Variants in DCC observed in about 807,000 individuals in gnomAD.
DCC encodes the protein DCC netrin 1 receptor, also known as netrin receptor DCC.
Under a neutral mutation model 172.5 loss-of-function variants are expected in DCC, and 58 were observed. The observed-to-expected ratio is 0.34, with a 90% CI of 0.27 to 0.42. DCC has a LOEUF of 0.42. Ranked by LOEUF, DCC falls within the 10% of genes least tolerant of loss-of-function variation. DCC has a pLI of 1.00. For synonymous variants in DCC, 709 were observed against 644.5 expected (o/e 1.10, Z -1.52); for missense variants, 1,740 against 1,791.0 (o/e 0.97, Z 0.51).
intron 1 of DCC, among the ~76,000 whole-genome samples, chr18:52,377,058 T>A (rs1252810278): frequency 6.6e-6 from 1 of 152,182 alleles, no homozygotes; most frequent in Non-Finnish European, 1.5e-5. Flanking sequence ...AAAACCCTTT[T>A]GAGAAAAGCG....
intron 5 of DCC, among the ~76,000 whole-genome samples, chr18:53,003,447 G>C (rs1375570989): frequency 2.6e-5 from 4 of 152,064 alleles, no homozygotes; most frequent in Non-Finnish European, 5.9e-5. Flanking sequence ...TGGGAAAATA[G>C]GTCAAATACT....
intron 5 of DCC, among the ~76,000 whole-genome samples, chr18:53,023,266 G>A (rs2041906601): frequency 6.6e-6 from 1 of 150,760 alleles, no homozygotes; most frequent in Non-Finnish European, 1.5e-5. Flanking sequence ...TTTGTGACAA[G>A]GTTGACCTTT....
At chr18:52,479,525 T>C (rs1989192176) in intron 1 of DCC, among the ~76,000 whole-genome samples, 1 of 149,812 alleles carries the variant, frequency 6.7e-6, no homozygotes, top group African/African-American at 2.5e-5. Context: ...TGGCTCCCCC[T>C]CCTCATCTCT....
Position 52,714,064 on chromosome 18 carries a change from T to A in DCC, c.92-37990T>A, listed in dbSNP as rs187393293. Among the ~76,000 whole-genome samples, 537 of 152,328 alleles carry A rather than the reference T, an allele frequency of 3.5e-3. 2 individuals carry two copies. The highest frequency in any genetic ancestry group is 0.011 in the African/African-American group (439 of 41,568). On this transcript the variant is annotated intron_variant, in intron 1 of 28. Coordinates refer to ENST00000442544, the MANE Select transcript of DCC (RefSeq NM_005215.4). ...TCCTGGCACAGCCCTAAGTACTTTA[T>A]ATGAATCTTATTTAATCCTTGCAAC... is the stretch of plus-strand genomic sequence containing the variant.
At chr18:53,332,688 G>T (rs1322854611) in intron 14 of DCC, among the ~76,000 whole-genome samples, 10 of 152,234 alleles carry the variant, frequency 6.6e-5, no homozygotes, top group African/African-American at 2.4e-4. Flanking sequence ...GAGATTGGGG[G>T]AGGGCTTGAC....
intron 5 of DCC, among the ~76,000 whole-genome samples, chr18:52,980,829 A>G (rs1468537690): frequency 2.6e-5 from 4 of 152,120 alleles, no homozygotes; most frequent in Non-Finnish European, 5.9e-5. Context: ...TCATAAAGTG[A>G]AAGAAAAGAA....
intron 5 of DCC, among the ~76,000 whole-genome samples, chr18:52,967,937 T>G (rs1225181146): frequency 6.6e-6 from 1 of 152,168 alleles, no homozygotes; most frequent in Non-Finnish European, 1.5e-5. Flanking sequence ...CATCTTAACT[T>G]GAGATTTTAG....
At chr18:53,101,616 G>C (rs1039366596) in intron 7 of DCC, among the ~76,000 whole-genome samples, 3 of 152,116 alleles carry the variant, frequency 2.0e-5, no homozygotes, top group African/African-American at 7.2e-5. Context: ...ACTTAGCCAA[G>C]AAAACGTAGA....
At chr18:53,160,081 A>G (rs1020199546) in intron 8 of DCC, among the ~76,000 whole-genome samples, 13 of 152,078 alleles carry the variant, frequency 8.5e-5, no homozygotes, top group Non-Finnish European at 1.2e-4. Context: ...GTTTGGGTGA[A>G]CCATTTATTT....
intron 2 of DCC, among the ~76,000 whole-genome samples, chr18:52,900,943 T>C (rs1475638295): frequency 2.0e-5 from 3 of 152,218 alleles, no homozygotes; most frequent in Non-Finnish European, 4.4e-5. Context: ...GGCTGAAATT[T>C]GTCTATAGGA....
chr18:53,079,436 C>A (rs888094677), intron 7 of DCC, among the ~76,000 whole-genome samples: 1 of 152,096 alleles, frequency 6.6e-6, no homozygotes, highest in East Asian at 1.9e-4. Context: ...TGGTAAATAT[C>A]TTTTTGCTTT....
intron 1 of DCC, among the ~76,000 whole-genome samples, chr18:52,502,839 T>TA (rs2031083233): frequency 6.6e-6 from 1 of 152,226 alleles, no homozygotes; most frequent in African/African-American, 2.4e-5. Flanking sequence ...TGGAAGTGCA[T>TA]TCAGTGACAT....
At chr18:53,107,535 A>AAT (rs1350754408) in intron 7 of DCC, among the ~76,000 whole-genome samples, 30 of 95,570 alleles carry the variant, frequency 3.1e-4, no homozygotes, top group African/African-American at 1.8e-3. Context: ...AAAAAAAAAA[A>AAT]GGAAGGAAAA....
At chr18:52,439,623 C>A (rs897033146) in intron 1 of DCC, among the ~76,000 whole-genome samples, 1 of 152,146 alleles carries the variant, frequency 6.6e-6, no homozygotes, top group Non-Finnish European at 1.5e-5. Flanking sequence ...AGTTTTGACA[C>A]AGATTAATTC....
In DCC at chr18:53,459,251, G is replaced by T. The variant is rs750279704; in HGVS notation, c.3412G>T (p.Ala1138Ser). The T allele has an allele frequency of 1.9e-6, 3 of 1,613,968 alleles. No individual in the cohort carries two copies. The Admixed American group carries it at 5.0e-5, about 27-fold the overall frequency. The change falls in exon 24 of 29, where the codon GCT becomes TCT. Residue 1138 changes from alanine to serine, a missense_variant. Physicochemically the swap from Ala to Ser is moderately conservative, Grantham distance 99 (BLOSUM62 1). This residue lies in a region of DCC where 1,732 missense variants were observed against 1,767.4 expected (regional missense o/e 0.98). Transcript: ENST00000442544. The part of the protein sequence containing the change: ...QQRKKRATHS[A>S]GKRKGSQKDL... ...CCATAGGAAACGGGCCACCCACAGTGCTGGCAAAAGGAAGGGCAGCCAGAA... is the reference window on the plus strand; with the variant it reads ...CCATAGGAAACGGGCCACCCACAGTTCTGGCAAAAGGAAGGGCAGCCAGAA...
At chr18:52,383,442 C>T (rs1307316562) in intron 1 of DCC, among the ~76,000 whole-genome samples, 1 of 151,828 alleles carries the variant, frequency 6.6e-6, no homozygotes, top group Non-Finnish European at 1.5e-5. Context: ...CATGATTTTC[C>T]AGTCTTCTTC....
At chr18:53,131,563 G>A (rs113956337) in intron 7 of DCC, among the ~76,000 whole-genome samples, 5 of 152,104 alleles carry the variant, frequency 3.3e-5, no homozygotes, top group Admixed American at 3.3e-4. Context: ...TGTGATGGTT[G>A]ATGTGCGGGA....
intron 12 of DCC, among the ~76,000 whole-genome samples, chr18:53,227,723 A>G (rs62100775): frequency 0.3 from 44,889 of 152,136 alleles, 8,620 homozygotes; most frequent in Non-Finnish European, 0.43. Flanking sequence ...CGTGTCTTCT[A>G]CAAATAACTT....
chr18:53,393,020 G>T (rs76662044), intron 17 of DCC, among the ~76,000 whole-genome samples: 1 of 152,056 alleles, frequency 6.6e-6, no homozygotes, highest in Non-Finnish European at 1.5e-5. Flanking sequence ...TCTCTTAACC[G>T]CTTGATTGGG....
Sources: gnomAD v4.1 joint callset for allele counts (sites outside exome capture counted in the v4.1 genomes callset) on GRCh38, gnomAD v4.1.1 for gene constraint, gnomAD v4.1.1 regional missense constraint, MANE v1.5 for transcripts, NCBI Gene and HGNC (gene_info 2026-07-23, HGNC 2026-07-21) for gene names.